SHC3: variants seen among roughly 807,000 people sequenced by gnomAD.
SHC3 encodes the protein SHC-transforming protein 3.
A neutral mutation model predicts 60.4 loss-of-function variants in SHC3; 15 were observed. The observed-to-expected ratio is 0.25, with a 90% CI of 0.17 to 0.38. The LOEUF is 0.38. Ranked by LOEUF, SHC3 falls within the 10% of genes least tolerant of loss-of-function variation. The probability of loss-of-function intolerance (pLI) is 1.00; values close to 1 mark genes in which losing one functional copy is unlikely to be tolerated. For missense variants in SHC3, 677 were observed against 786.1 expected (o/e 0.86, Z 1.66); for synonymous variants, 294 against 325.9 (o/e 0.90, Z 1.05).
At chr9:89,045,633 A>C in intron 9 of SHC3, 113 bp downstream of exon 9, 1 of 893,362 alleles carries the variant, frequency 1.1e-6, no homozygotes, top group Non-Finnish European at 1.7e-6. Context: ...CACACAGCAC[A>C]TATATCCAGG....
At chr9:89,036,526 A>G (rs1042289318) in intron 11 of SHC3, among the ~76,000 whole-genome samples, 3 of 152,130 alleles carry the variant, frequency 2.0e-5, no homozygotes, top group Non-Finnish European at 4.4e-5. Flanking sequence ...ACAGAGAAAA[A>G]CATGCGTGAG....
intron 2 of SHC3, among the ~76,000 whole-genome samples, chr9:89,089,776 C>T (rs753340025): frequency 2.0e-4 from 31 of 152,154 alleles, no homozygotes; most frequent in Non-Finnish European, 4.0e-4. Flanking sequence ...GGGTCAGAGC[C>T]CACAGGAGCC....
rs141692290 is a variant in SHC3, at chr9:89,115,083, T to C, written c.475-2457A>G. On this transcript the variant is annotated intron_variant, in intron 1 of 11. Coordinates refer to ENST00000375835, the MANE Select transcript of SHC3 (RefSeq NM_016848.6). Reference sequence around the variant, plus strand: ...AATACCATGACCACCATCACAGTTATATGAATATCATGACCACCAGAGTAG... The same window carrying C: ...AATACCATGACCACCATCACAGTTACATGAATATCATGACCACCAGAGTAG... Among the ~76,000 whole-genome samples the C allele has an allele frequency of 1.2e-4, 18 of 152,290 alleles. No homozygotes were observed. The East Asian group carries it at 3.5e-3, about 29-fold the overall frequency.
At chr9:89,109,292 G>A (rs958253405) in intron 2 of SHC3, 2 of 755,612 alleles carry the variant, frequency 2.6e-6, no homozygotes, top group African/African-American at 1.9e-5. Flanking sequence ...GGGTGAAGGG[G>A]GTCCCTCCTC....
At chr9:89,055,650 C>T (rs1824937156) in intron 6 of SHC3, among the ~76,000 whole-genome samples, 1 of 152,226 alleles carries the variant, frequency 6.6e-6, no homozygotes, top group South Asian at 2.1e-4. Flanking sequence ...ACCTTCTGTT[C>T]TGCTCTTAGC....
intron 1 of SHC3, among the ~76,000 whole-genome samples, chr9:89,144,744 T>C (rs930884423): frequency 1.3e-5 from 2 of 152,164 alleles, no homozygotes; most frequent in Non-Finnish European, 2.9e-5. Context: ...TTTTTCAAAG[T>C]TGTTAAGTAT....
At chr9:89,168,320 C>T (rs1208860111) in intron 1 of SHC3, among the ~76,000 whole-genome samples, 3 of 152,216 alleles carry the variant, frequency 2.0e-5, no homozygotes, top group Non-Finnish European at 4.4e-5. Flanking sequence ...ACAAAATTAG[C>T]TGAGCGTGGT....
intron 1 of SHC3, among the ~76,000 whole-genome samples, chr9:89,151,232 C>A (rs554681063): frequency 9.1e-4 from 138 of 152,180 alleles, no homozygotes; most frequent in African/African-American, 3.0e-3. Context: ...GTTGCCCAGG[C>A]TGGTGTATGT....
chr9:89,095,509 T>C (rs1378585554), intron 2 of SHC3, among the ~76,000 whole-genome samples: 1 of 151,970 alleles, frequency 6.6e-6, no homozygotes, highest in African/African-American at 2.4e-5. Flanking sequence ...TTTTGCAAAA[T>C]GAAAAGTTCT....
At chr9:89,095,068 A>G (rs1418991830) in intron 2 of SHC3, among the ~76,000 whole-genome samples, 1 of 152,214 alleles carries the variant, frequency 6.6e-6, no homozygotes, top group African/African-American at 2.4e-5. Flanking sequence ...CGGTTCCTCA[A>G]AACATTAAAC....
intron 6 of SHC3, among the ~76,000 whole-genome samples, chr9:89,059,194 AG>A (rs1825017583): frequency 8.2e-6 from 1 of 121,694 alleles, no homozygotes. Flanking sequence ...GGTGGAGGAC[AG>A]TGGTGGAGGA....
chr9:89,026,322 C>A (rs1290768797), intron 11 of SHC3, among the ~76,000 whole-genome samples: 2 of 151,768 alleles, frequency 1.3e-5, no homozygotes, highest in Non-Finnish European at 2.9e-5. Flanking sequence ...CTGAAGCCTG[C>A]TACCTGGAGG....
chr9:89,099,645 C>T (rs531604048), intron 2 of SHC3, among the ~76,000 whole-genome samples: 10 of 152,256 alleles, frequency 6.6e-5, no homozygotes, highest in East Asian at 3.9e-4. Context: ...CTAATTCTGC[C>T]GACACAAACA....
intron 7 of SHC3, among the ~76,000 whole-genome samples, chr9:89,048,440 T>C (rs1824808873): frequency 6.6e-6 from 1 of 152,144 alleles, no homozygotes; most frequent in Non-Finnish European, 1.5e-5. Flanking sequence ...ATGATTCCAT[T>C]TATATGAAAT....
At position 89,017,046 on chromosome 9, in the gene SHC3, C is replaced by T. The variant is rs189483885; in HGVS notation, c.1657-3471G>A. Among the ~76,000 whole-genome samples, 169 of 152,198 alleles carry T rather than the reference C, an allele frequency of 1.1e-3. 1 individual carries two copies. The highest frequency in any genetic ancestry group is 6.0e-3 in the Admixed American group (92 of 15,280). On this transcript the variant is annotated intron_variant, in intron 11 of 11. Transcript: ENST00000375835. ...TTCCATGCTCATGGATAGGAAGAATCGATATCGTGAAAATGGCCATCCTGT... is the reference window on the plus strand; with the variant it reads ...TTCCATGCTCATGGATAGGAAGAATTGATATCGTGAAAATGGCCATCCTGT...
intron 2 of SHC3, among the ~76,000 whole-genome samples, chr9:89,081,163 T>G (rs9410311): frequency 0.61 from 92,287 of 151,942 alleles, 30,093 homozygotes; most frequent in East Asian, 0.98. Context: ...CATAAAAAAT[T>G]TATGGACAAG....
intron 6 of SHC3, among the ~76,000 whole-genome samples, chr9:89,059,678 TGGTGGTGGAGGATG>T (rs1825039567): frequency 2.9e-5 from 1 of 34,336 alleles, no homozygotes. Flanking sequence ...TGGTGGAGGA[TGGTGGTGGAGGATG>T]GTGGTGGAGG....
intron 2 of SHC3, among the ~76,000 whole-genome samples, chr9:89,089,329 T>C (rs1825583304): frequency 2.6e-5 from 4 of 152,210 alleles, no homozygotes; most frequent in Admixed American, 2.0e-4. Context: ...ATAAAATTTC[T>C]AGGAAGTATA....
At chr9:89,097,758 C>T (rs553382178) in intron 2 of SHC3, among the ~76,000 whole-genome samples, 1 of 152,304 alleles carries the variant, frequency 6.6e-6, no homozygotes, top group East Asian at 1.9e-4. Context: ...CAGTAGGGTT[C>T]GTCAAGGAAT....
Sources: gnomAD v4.1 joint callset for allele counts (sites outside exome capture counted in the v4.1 genomes callset) on GRCh38, gnomAD v4.1.1 for gene constraint, MANE v1.5 for transcripts, NCBI Gene and HGNC (gene_info 2026-07-23, HGNC 2026-07-21) for gene names.